The following ANKS1B variants were observed in gnomAD, a reference collection of about 807,000 sequenced individuals.
The protein encoded by ANKS1B is ankyrin repeat and sterile alpha motif domain-containing protein 1B.
Under a neutral mutation model 148.3 loss-of-function variants are expected in ANKS1B, and 36 were observed. The ratio of observed to expected loss-of-function variants is 0.24; its 90% CI spans 0.19 to 0.32. The LOEUF is 0.32. ANKS1B is among the 10% of genes least tolerant of loss of function. The pLI is 1.00. For missense variants in ANKS1B, 1,157 were observed against 1,542.6 expected, an observed-to-expected ratio of 0.75 and a Z score of 4.19; for synonymous variants, 542 against 560.8, an observed-to-expected ratio of 0.97 and a Z score of 0.47.
intron 17 of ANKS1B, among the ~76,000 whole-genome samples, chr12:98,934,991 G>A (rs1197226276): frequency 6.6e-6 from 1 of 151,908 alleles, no homozygotes; most frequent in Non-Finnish European, 1.5e-5. Flanking sequence ...GACTGCTCTG[G>A]CTAGGACTCC....
intron 9 of ANKS1B, among the ~76,000 whole-genome samples, chr12:99,511,731 C>G (rs2096768102): frequency 6.6e-6 from 1 of 151,896 alleles, no homozygotes; most frequent in African/African-American, 2.4e-5. Flanking sequence ...ACCAATGGAA[C>G]AGAATAGAGA....
intron 8 of ANKS1B, among the ~76,000 whole-genome samples, chr12:99,717,336 T>A (rs1375320604): frequency 6.6e-6 from 1 of 152,092 alleles, no homozygotes; most frequent in Non-Finnish European, 1.5e-5. Flanking sequence ...TATTTCTGAG[T>A]TACAATTCCT....
At chr12:99,766,097 G>A (rs1342517910) in intron 8 of ANKS1B, among the ~76,000 whole-genome samples, 1 of 152,150 alleles carries the variant, frequency 6.6e-6, no homozygotes, top group Admixed American at 6.5e-5. Context: ...ATAATTAAAT[G>A]CATTTTGCAA....
chr12:99,421,935 T>A (rs544401964), intron 11 of ANKS1B, among the ~76,000 whole-genome samples: 9 of 152,240 alleles, frequency 5.9e-5, no homozygotes, highest in African/African-American at 1.9e-4. Context: ...CCCCACTCTC[T>A]CTCTTGCTCC....
At chr12:98,735,771 C>T in intron 9 of ANKS1B, 2 of 503,210 alleles carry the variant, frequency 4.0e-6, no homozygotes. Flanking sequence ...AAGTCTTGCT[C>T]TACTGCAGTT....
At chr12:99,841,239 T>C (rs2085698526) in intron 1 of ANKS1B, among the ~76,000 whole-genome samples, 1 of 152,216 alleles carries the variant, frequency 6.6e-6, no homozygotes, top group Non-Finnish European at 1.5e-5. Context: ...AAAGTTTTTA[T>C]CTAGAATGGC....
At chr12:99,634,700 T>C (rs537168399) in intron 9 of ANKS1B, among the ~76,000 whole-genome samples, 1 of 152,152 alleles carries the variant, frequency 6.6e-6, no homozygotes, top group Non-Finnish European at 1.5e-5. Context: ...CTTTATGACA[T>C]TGGATTTGGC....
chr12:99,964,851 G>C (rs1423897831), intron 1 of ANKS1B, among the ~76,000 whole-genome samples: 1 of 152,218 alleles, frequency 6.6e-6, no homozygotes, highest in Non-Finnish European at 1.5e-5. Context: ...TGGGGTGACA[G>C]AGCCTAAGAG....
chr12:99,294,472 T>C (rs1256468717), intron 12 of ANKS1B, among the ~76,000 whole-genome samples: 2 of 152,000 alleles, frequency 1.3e-5, no homozygotes, highest in Admixed American at 6.6e-5. Flanking sequence ...GAGCTAAAAT[T>C]TAGAACAATT....
intron 3 of ANKS1B, among the ~76,000 whole-genome samples, chr12:99,810,304 A>G (rs933623302): frequency 6.6e-6 from 1 of 152,136 alleles, no homozygotes; most frequent in African/African-American, 2.4e-5. Flanking sequence ...GCTTTACCTT[A>G]TGTCTCAATA....
At chr12:99,760,514 G>A (rs116310109) in intron 8 of ANKS1B, among the ~76,000 whole-genome samples, 2,646 of 151,628 alleles carry the variant, frequency 0.017, 73 homozygotes, top group African/African-American at 0.059. Flanking sequence ...TAAAACAGAC[G>A]TAACATACCA....
At chr12:99,718,372 T>G (rs1270607564) in intron 8 of ANKS1B, among the ~76,000 whole-genome samples, 1 of 151,908 alleles carries the variant, frequency 6.6e-6, no homozygotes, top group Non-Finnish European at 1.5e-5. Context: ...TCCTCTTGTA[T>G]CCCCCCACCT....
intron 12 of ANKS1B, among the ~76,000 whole-genome samples, chr12:99,282,142 A>T (rs1381657881): frequency 6.6e-6 from 1 of 152,184 alleles, no homozygotes; most frequent in Non-Finnish European, 1.5e-5. Context: ...GTAGTCAGGA[A>T]AGCATCTTTG....
intron 10 of ANKS1B, among the ~76,000 whole-genome samples, chr12:99,450,675 G>T (rs1369424751): frequency 6.6e-6 from 1 of 152,072 alleles, no homozygotes; most frequent in African/African-American, 2.4e-5. Context: ...ATCTTGCATT[G>T]TTCATTAACT....
chr12:99,379,970 C>T (rs2093567832), intron 12 of ANKS1B, among the ~76,000 whole-genome samples: 1 of 152,206 alleles, frequency 6.6e-6, no homozygotes, highest in Admixed American at 6.5e-5. Flanking sequence ...AACTTGCCTT[C>T]TTGCAAAGAA....
At chr12:99,338,198 C>T (rs969557293) in intron 12 of ANKS1B, among the ~76,000 whole-genome samples, 4 of 152,154 alleles carry the variant, frequency 2.6e-5, no homozygotes, top group Non-Finnish European at 4.4e-5. Context: ...TAGGAATCCG[C>T]TTGGTACTAT....
intron 9 of ANKS1B, among the ~76,000 whole-genome samples, chr12:99,519,065 C>A (rs952990905): frequency 6.6e-6 from 1 of 151,798 alleles, no homozygotes; most frequent in African/African-American, 2.4e-5. Context: ...TATATTTATT[C>A]CATTTTGGCC....
In ANKS1B at chr12:99,957,410, C is replaced by T. The variant is rs12579214; in HGVS notation, c.134+26694G>A. On this transcript the variant is annotated intron_variant, in intron 1 of 26. Coordinates refer to ENST00000683438, the MANE Select transcript of ANKS1B (RefSeq NM_001352186.2). ...TAAGAGCACGAGCTTACCACTGCCT[C>T]TCCCAAAATATCTCCTACAAATCTC... Among the ~76,000 whole-genome samples, 246 of 152,324 alleles carry T rather than the reference C, an allele frequency of 1.6e-3. 9 individuals carry two copies. The East Asian group carries it at 0.04, about 24-fold the overall frequency.
chr12:98,939,137 T>C (rs2099829837), intron 17 of ANKS1B, among the ~76,000 whole-genome samples: 1 of 152,224 alleles, frequency 6.6e-6, no homozygotes. Context: ...GCTAATGTTA[T>C]CCTAAAGTGT....
Sources: allele counts gnomAD v4.1 joint callset (sites outside exome capture counted in the v4.1 genomes callset), GRCh38; gene constraint gnomAD v4.1.1; transcripts MANE v1.5; gene names NCBI Gene and HGNC (gene_info 2026-07-23, HGNC 2026-07-21).